The following SPOUT1 variants were observed in gnomAD, a reference collection of about 807,000 sequenced individuals.
The protein encoded by SPOUT1 is 28S rRNA (uridine-N(3))-methyltransferase.
SPOUT1 carries 40 observed loss-of-function variants against 54.8 expected under a neutral mutation model. The ratio of observed to expected loss-of-function variants is 0.73; its 90% CI spans 0.57 to 0.95. The LOEUF (loss-of-function observed/expected upper bound fraction) is 0.95, where lower values mean the gene tolerates loss of function less well. Among genes scored for constraint, SPOUT1 ranks in the 40% least tolerant of loss-of-function variants. The pLI, the probability that SPOUT1 is intolerant of heterozygous loss-of-function variation, is 0.00. For synonymous variants in SPOUT1, 193 were observed against 200.3 expected (o/e 0.96, Z 0.31); for missense variants, 437 against 499.5 (o/e 0.87, Z 1.19).
chr9:128,823,815 G>A lies in SPOUT1; in HGVS notation c.994C>T (p.Pro332Ser). Residue 332 changes from proline to serine, a missense_variant, in exon 11 of 12, where the codon CCC (proline) becomes TCC (serine). Pro to Ser is a moderately conservative substitution (Grantham distance 74). Coordinates refer to ENST00000361256, the MANE Select transcript of SPOUT1 (RefSeq NM_016390.4). ...ACGTACAGGTCAAAGAGGACACTGG[G>A]TTCAGCCACCTCCAGGTTGGGGTCA... ...DADPNLEVAE[P>S]SVLFDLYVNT... 1.2e-6 allele frequency: 2 copies of A among 1,611,030 alleles called. No homozygotes were observed. The highest frequency in any genetic ancestry group is 1.1e-5 in the South Asian group (1 of 90,418).
chr9:128,824,154 G>A lies in SPOUT1; in HGVS notation c.832C>T (p.Pro278Ser). 6.2e-7 allele frequency: 1 copy of A among 1,613,182 alleles called. No homozygotes were observed. The highest frequency in any genetic ancestry group is 8.5e-7 in the Non-Finnish European group (1 of 1,179,638). The change falls in exon 10 of 12, where the codon CCC becomes TCC. Residue 278 changes from proline (P) to serine (S), a missense_variant. Coordinates refer to ENST00000361256, the MANE Select transcript of SPOUT1 (RefSeq NM_016390.4). ...GTCAGGTCATACCCATCTTGGAAGG[G>A]GGCCTCAGCAAACACAGCACCTGGG... ...SCLSAVFAEA[P>S]FQDGYDLTIG...
intron 10 of SPOUT1, 47 bp downstream of exon 10, chr9:128,824,025 C>T (rs753618676): frequency 2.1e-5 from 33 of 1,588,620 alleles, no homozygotes; most frequent in Non-Finnish European, 2.8e-5. Flanking sequence ...AGGCAGGTTC[C>T]TGGCCACATT....
At position 128,824,959 on chromosome 9, in the gene SPOUT1, G is replaced by A. The variant is rs1445454346; in HGVS notation, c.712+18C>T. ...AGCTCATCAGGCCAACCCAGGGGTT[G>A]GGGAACCTTCCAGATACCTGGGTGC... is the stretch of plus-strand genomic sequence containing the variant. On this transcript the variant is annotated intron_variant, in intron 8 of 11. Transcript: ENST00000361256. 3 of 1,605,228 alleles carry A rather than the reference G, an allele frequency of 1.9e-6. No homozygotes were observed. Among genetic ancestry groups the A allele is most frequent in the South Asian group, 2.2e-5 (2 of 90,280 alleles).
chr9:128,824,751 GAAGT>G lies in SPOUT1; in HGVS notation c.811+16_811+19del, dbSNP rs577448933. 518 of 1,557,192 alleles carry G rather than the reference GAAGT, an allele frequency of 3.3e-4. 1 individual carries two copies. The African/African-American group carries it at 6.0e-3, about 18-fold the overall frequency. On this transcript the variant is annotated intron_variant, in intron 9 of 11. Coordinates refer to ENST00000361256, the MANE Select transcript of SPOUT1 (RefSeq NM_016390.4). ...CCAGAGGGATGGATGGATATTCAGA[GAAGT>G]AAGGTCTGTCCTTACTGAGGCAGGA... is the stretch of plus-strand genomic sequence containing the variant.
Position 128,823,850 on chromosome 9 carries a change from C to T in SPOUT1, c.959G>A (p.Gly320Glu). Residue 320 changes from glycine (G) to glutamate (E), a missense_variant, in exon 11 of 12, where the codon GGA becomes GAA. By Grantham distance (98) the Gly-to-Glu change is moderately conservative (BLOSUM62 -2). Coordinates refer to ENST00000361256, the MANE Select transcript of SPOUT1 (RefSeq NM_016390.4). ...CTCCAGGTTGGGGTCAGCATCCGCT[C>T]CAGCTTCCAGACCCTGGAGGCCCCC... ...VFGGLQGLEAGADADPNLEVA... is the reference protein window; with the variant it reads ...VFGGLQGLEAEADADPNLEVA... The T allele has an allele frequency of 6.2e-7, 1 of 1,613,292 alleles. No homozygotes were observed. The highest frequency in any genetic ancestry group is 8.5e-7 in the Non-Finnish European group (1 of 1,179,916).
chr9:128,829,086 A>T (rs1782744625), intron 2 of SPOUT1, 24 bp downstream of exon 2: 2 of 1,604,488 alleles, frequency 1.2e-6, no homozygotes, highest in Non-Finnish European at 1.7e-6. Flanking sequence ...CTATGGGAAG[A>T]TACTCTTACC....
rs565899820 is a variant in SPOUT1 at position 128,826,187 on chromosome 9, G to A, written c.509-35C>T. On this transcript the variant is annotated intron_variant, in intron 6 of 11. Coordinates refer to ENST00000361256, the MANE Select transcript of SPOUT1 (RefSeq NM_016390.4). This position sits in a 1 kb window ranked among gnomAD's most constrained non-coding sequence, Gnocchi z 5.5. The stretch of plus-strand genomic sequence containing the variant: ...CAGAGCCGGGAAGAGTCTGGGAAGT[G>A]CTAGGGCACACAGGGTGCAGTGGGG... The A allele has an allele frequency of 6.9e-6, 11 of 1,584,082 alleles. No individual in the cohort carries two copies. The Admixed American group carries it at 1.4e-4, about 20-fold the overall frequency.
intron 11 of SPOUT1, among the ~76,000 whole-genome samples, chr9:128,823,507 G>T (rs955436521): frequency 6.6e-6 from 1 of 152,182 alleles, no homozygotes; most frequent in Non-Finnish European, 1.5e-5. Context: ...CGGAGCAGGG[G>T]TGGGCAGGGC....
intron 2 of SPOUT1, 47 bp from the exon 3 acceptor site, chr9:128,828,907 A>C (rs1205731860): frequency 6.2e-7 from 1 of 1,612,142 alleles, no homozygotes; most frequent in South Asian, 1.1e-5. Context: ...GTTCCCACTC[A>C]TTGGGTCAGC....
At position 128,826,456 on chromosome 9, in the gene SPOUT1, G is replaced by C; in HGVS notation, c.459-23C>G. The C allele has an allele frequency of 1.9e-6, 3 of 1,613,814 alleles. No individual in the cohort carries two copies. The highest frequency in any genetic ancestry group is 2.2e-5 in the South Asian group (2 of 91,078). ...TACCTAGGAAAGAATGCTGACCTCA[G>C]GATGTTCCCAGGGGAAGCCGCCTCC... is the stretch of plus-strand genomic sequence containing the variant. On this transcript the variant is annotated intron_variant, in intron 5 of 11. Transcript: ENST00000361256. The surrounding 1 kb of genome is among the most constrained non-coding windows in gnomAD (Gnocchi z 5.5).
At chr9:128,824,718 G>T in intron 9 of SPOUT1, 53 bp downstream of exon 9, 2 of 1,406,122 alleles carry the variant, frequency 1.4e-6, no homozygotes, top group South Asian at 1.2e-5. Context: ...AAGGCTCCCG[G>T]CCACCTCCCA....
Position 128,829,789 on chromosome 9 carries a change from C to G in SPOUT1, c.-9G>C, listed in dbSNP as rs1408422807. The G allele has an allele frequency of 1.2e-6, 2 of 1,600,176 alleles. No homozygotes were observed. The highest frequency in any genetic ancestry group is 1.3e-5 in the African/African-American group (1 of 74,780). ...CTGCCGCGCTCCGCCATGTTCCGCA[C>G]ACACCGTCGGTCCCGCCTCTGCCAA... On this transcript the variant is annotated 5_prime_UTR_variant, in exon 1 of 12. Coordinates refer to ENST00000361256, the MANE Select transcript of SPOUT1 (RefSeq NM_016390.4).
chr9:128,823,924 C>CGG (rs1830181922), intron 10 of SPOUT1, 30 bp from the exon 11 acceptor site: 4 of 1,609,368 alleles, frequency 2.5e-6, no homozygotes, highest in Non-Finnish European at 3.4e-6. Flanking sequence ...GTCACCTGAG[C>CGG]GGCCACCGAG....
chr9:128,829,718 G>C lies in SPOUT1; in HGVS notation c.36+27C>G, dbSNP rs1564437269. ...TCTCACGCCTCCACCATGCTGCCCTGCACGGGGTCCCGCCGCCCGCACTTA... is the reference window on the plus strand; with the variant it reads ...TCTCACGCCTCCACCATGCTGCCCTCCACGGGGTCCCGCCGCCCGCACTTA... On this transcript the variant is annotated intron_variant, in intron 1 of 11. Transcript: ENST00000361256. 1.9e-6 allele frequency: 3 copies of C among 1,564,394 alleles called. No homozygotes were observed. The Admixed American group carries it at 5.4e-5, about 28-fold the overall frequency.
chr9:128,826,094 G>C lies in SPOUT1; in HGVS notation c.567C>G (p.Phe189Leu). The C allele has an allele frequency of 1.2e-6, 2 of 1,613,932 alleles. No homozygotes were observed. The highest frequency in any genetic ancestry group is 1.7e-6 in the Non-Finnish European group (2 of 1,179,884). Residue 189 changes from phenylalanine (F) to leucine (L), a missense_variant, in exon 7 of 12, where the codon TTC becomes TTG. Transcript: ENST00000361256. The surrounding 1 kb of genome is among the most constrained non-coding windows in gnomAD (Gnocchi z 5.5). ...HHMRQDEESE[F>L]REGIVVDRPT... ...GCCGATCCACCACGATGCCCTCTCGGAACTCGGATTCCTCATCCTGACGCA... is the reference window on the plus strand; with the variant it reads ...GCCGATCCACCACGATGCCCTCTCGCAACTCGGATTCCTCATCCTGACGCA...
At chr9:128,829,249 C>T (rs905965875) in intron 1 of SPOUT1, 94 bp from the exon 2 acceptor site, 3 of 1,106,262 alleles carry the variant, frequency 2.7e-6, no homozygotes, top group African/African-American at 3.1e-5. Flanking sequence ...CCCCTCCACA[C>T]GGGGCGGCAA....
rs779795207 is a variant in SPOUT1 at position 128,820,802 on chromosome 9, A to G, written c.*1963T>C. On this transcript the variant is annotated 3_prime_UTR_variant, in exon 12 of 12. Transcript: ENST00000361256. Reference sequence around the variant, plus strand: ...GAAATATAGCCGCAGCTTGACCCGCAGCTACCAAAACGTCTATGTCTGCAC... The same window carrying G: ...GAAATATAGCCGCAGCTTGACCCGCGGCTACCAAAACGTCTATGTCTGCAC... The G allele has an allele frequency of 1.9e-6, 3 of 1,612,426 alleles. No homozygotes were observed. Among genetic ancestry groups the G allele is most frequent in the Non-Finnish European group, 2.5e-6 (3 of 1,179,334 alleles).
At chr9:128,825,071 T>G (rs113584746) in intron 7 of SPOUT1, 22 bp from the exon 8 acceptor site, 2 of 1,534,486 alleles carry the variant, frequency 1.3e-6, no homozygotes, top group South Asian at 2.4e-5. Flanking sequence ...CCAGAAGAAA[T>G]GGGTGCCATT....
chr9:128,826,767 C>T lies in SPOUT1; in HGVS notation c.369-138G>A. 1.4e-6 allele frequency: 1 copy of T among 693,480 alleles called. No individual in the cohort carries two copies. The highest frequency in any genetic ancestry group is 2.4e-6 in the Non-Finnish European group (1 of 418,340). The allele number at this position is 693,480 out of a possible 1,614,324, so 43.0% of individuals were successfully genotyped here. ...ATCTGAGTGCAGCAAGTAGAGGCTG[C>T]AGTGAGCCATGACCATGCCACTGCA... On this transcript the variant is annotated intron_variant, in intron 4 of 11. Transcript: ENST00000361256. This position sits in a 1 kb window ranked among gnomAD's most constrained non-coding sequence, Gnocchi z 5.5.
Sources: allele counts gnomAD v4.1 joint callset (sites outside exome capture counted in the v4.1 genomes callset), GRCh38; gene constraint gnomAD v4.1.1; non-coding constraint Gnocchi (gnomAD v3.1); transcripts MANE v1.5; gene names NCBI Gene and HGNC (gene_info 2026-07-23, HGNC 2026-07-21).